The following VAX1 variants were observed in gnomAD, a reference collection of about 807,000 sequenced individuals.
VAX1 encodes ventral anterior homeobox 1.
Under a neutral mutation model 17.6 loss-of-function variants are expected in VAX1, and 6 were observed. The ratio of observed to expected loss-of-function variants is 0.34; its 90% confidence interval spans 0.19 to 0.67. The LOEUF is 0.67. Among genes scored for constraint, VAX1 ranks in the 30% least tolerant of loss-of-function variants. The pLI is 0.69. For synonymous variants in VAX1, 256 were observed against 227.4 expected (o/e 1.13, Z -1.13); for missense variants, 408 against 463.7 (o/e 0.88, Z 1.10).
chr10:117,132,249 C>T (rs775268762), downstream of VAX1: 1 of 1,614,038 alleles, frequency 6.2e-7, no homozygotes, highest in Middle Eastern at 1.7e-4. The surrounding 1 kb of genome is among the most constrained non-coding windows in gnomAD (Gnocchi z 4.9). Context: ...GTCCCCACGC[C>T]GAGACTCATC....
At chr10:117,130,798 T>G (rs1854074674), downstream of VAX1, 1 of 152,378 alleles carries the variant, frequency 6.6e-6, no homozygotes. Flanking sequence ...GGCAAAGAGC[T>G]CAGCAGCTCT....
chr10:117,132,131 G>T, downstream of VAX1: 1 of 1,441,354 alleles, frequency 6.9e-7, no homozygotes, highest in South Asian at 1.3e-5. The surrounding 1 kb of genome is among the most constrained non-coding windows in gnomAD (Gnocchi z 4.9). Context: ...GTAGCCAGGC[G>T]TCTCTGCCTC....
rs758113030 is a variant in VAX1, at chr10:117,136,454, G to T, written c.429+18C>A. The stretch of plus-strand genomic sequence containing the variant: ...GGAAGGCTGGTGCAGAACTGTGTGC[G>T]GCCTGGTCGCCGGGTACCTGGGTCT... On this transcript the variant is annotated intron_variant, in intron 2 of 2. Coordinates refer to ENST00000369206, the MANE Select transcript of VAX1 (RefSeq NM_001112704.2). This position sits in a 1 kb window ranked among gnomAD's most constrained non-coding sequence, Gnocchi z 5.0. The T allele has an allele frequency of 6.2e-7, 1 of 1,611,786 alleles. No individual in the cohort carries two copies. The highest frequency in any genetic ancestry group is 1.7e-5 in the Admixed American group (1 of 59,994).
Position 117,137,710 on chromosome 10 carries a change from G to C in VAX1, c.241+106C>G, listed in dbSNP as rs1402399430. On this transcript the variant is annotated intron_variant, in intron 1 of 2. Transcript: ENST00000369206. This position sits in a 1 kb window ranked among gnomAD's most constrained non-coding sequence, Gnocchi z 7.4. ...GGGAGGGCCAACAACTTTCTCCCAA[G>C]TCCCAGCCGGCACTCCTTCCCACCG... The C allele has an allele frequency of 1.2e-5, 19 of 1,589,480 alleles. No individual in the cohort carries two copies. Among genetic ancestry groups the C allele is most frequent in the Non-Finnish European group, 1.5e-5 (18 of 1,176,750 alleles).
Position 117,137,779 on chromosome 10 carries a change from C to A in VAX1, c.241+37G>T. The A allele has an allele frequency of 6.2e-7, 1 of 1,609,406 alleles. No homozygotes were observed. Among genetic ancestry groups the A allele is most frequent in the Non-Finnish European group, 8.5e-7 (1 of 1,179,740 alleles). On this transcript the variant is annotated intron_variant, in intron 1 of 2. Coordinates refer to ENST00000369206, the MANE Select transcript of VAX1 (RefSeq NM_001112704.2). The surrounding 1 kb of genome is among the most constrained non-coding windows in gnomAD (Gnocchi z 7.4). ...GCGCAGCTCCGGCCCCGGAGTCGAC[C>A]CCAAAGAACGCGCCTGGCAGCCCTG...
At position 117,138,257 on chromosome 10, in the gene VAX1, G is replaced by A; in HGVS notation, c.-201C>T. 1.5e-6 allele frequency: 1 copy of A among 667,238 alleles called. No individual in the cohort carries two copies. The highest frequency in any genetic ancestry group is 2.5e-6 in the Non-Finnish European group (1 of 403,500). The allele number at this position is 667,238 out of a possible 1,614,324, so 41.3% of individuals were successfully genotyped here. ...CTTCGGCGGCCGCGCGCGGGTCAGC[G>A]GCGACGGGAGAGTGGCGCGCTCGCC... On this transcript the variant is annotated 5_prime_UTR_variant, in exon 1 of 3. Coordinates refer to ENST00000369206, the MANE Select transcript of VAX1 (RefSeq NM_001112704.2).
Position 117,137,552 on chromosome 10 carries a change from C to G in VAX1, c.241+264G>C, listed in dbSNP as rs1854202673. On this transcript the variant is annotated intron_variant, in intron 1 of 2. Coordinates refer to ENST00000369206, the MANE Select transcript of VAX1 (RefSeq NM_001112704.2). The surrounding 1 kb of genome is among the most constrained non-coding windows in gnomAD (Gnocchi z 7.4). ...GGGTCGGAGGCCGCAGCCCGATGCC[C>G]GGCCGCACCCGCGCAGCCCCTCATC... 1.3e-5 allele frequency among the ~76,000 whole-genome samples: 2 copies of G among 152,214 alleles called. No individual in the cohort carries two copies. Among genetic ancestry groups the G allele is most frequent in the South Asian group, 4.1e-4 (2 of 4,838 alleles).
At position 117,133,976 on chromosome 10, in the gene VAX1, CTATAAA is replaced by C; in HGVS notation, c.*26_*31del. 8.0e-6 allele frequency: 12 copies of C among 1,491,854 alleles called. No homozygotes were observed. The highest frequency in any genetic ancestry group is 1.1e-5 in the Non-Finnish European group (12 of 1,124,676). 92.4% of individuals were successfully genotyped at this position (1,491,854 alleles called of 1,614,324 possible). A position where few individuals can be genotyped will look rare whatever the true frequency, so the allele number is the denominator to read the frequency against. ...TCCATAAATATCACCACAATAGATA[CTATAAA>C]TATAAATACAGGGAAACACTTAAAA... is the stretch of plus-strand genomic sequence containing the variant. On this transcript the variant is annotated 3_prime_UTR_variant, in exon 3 of 3. Transcript: ENST00000369206.
At position 117,136,016 on chromosome 10, in the gene VAX1, G is replaced by C. The variant is rs540016371; in HGVS notation, c.429+456C>G. Among the ~76,000 whole-genome samples the C allele has an allele frequency of 6.6e-6, 1 of 152,270 alleles. No individual in the cohort carries two copies. Among genetic ancestry groups the C allele is most frequent in the African/African-American group, 2.4e-5 (1 of 41,482 alleles). On this transcript the variant is annotated intron_variant, in intron 2 of 2. Coordinates refer to ENST00000369206, the MANE Select transcript of VAX1 (RefSeq NM_001112704.2). This position sits in a 1 kb window ranked among gnomAD's most constrained non-coding sequence, Gnocchi z 5.0. ...GAATCACCCATGGTGCTGGGGCAGG[G>C]GGTGTTAGATCTAGCCTCACTCCTG...
At chr10:117,133,194 T>G, downstream of VAX1, 1 of 821,560 alleles carries the variant, frequency 1.2e-6, no homozygotes, top group Non-Finnish European at 1.5e-6. Context: ...AGAACCTTAA[T>G]TTTGCATTGC....
In VAX1 at chr10:117,138,063, GAACAACAACAAA is replaced by G; in HGVS notation, c.-19_-8del. The G allele has an allele frequency of 8.4e-7, 1 of 1,197,272 alleles. No individual in the cohort carries two copies. The highest frequency in any genetic ancestry group is 1.1e-6 in the Non-Finnish European group (1 of 944,580). 74.2% of individuals were successfully genotyped at this position (1,197,272 alleles called of 1,614,324 possible). ...TGTCTGGTTTCCCGAACATAGGCAA[GAACAACAACAAA>G]AACAGAAAGGAAAAAAAAAGCAAAA... On this transcript the variant is annotated 5_prime_UTR_variant, in exon 1 of 3. Transcript: ENST00000369206.
chr10:117,130,302 A>G (rs1019782213), downstream of VAX1: 1 of 152,258 alleles, frequency 6.6e-6, no homozygotes, highest in South Asian at 2.1e-4. Flanking sequence ...TTATGAATAC[A>G]TTCTGGCTGA....
chr10:117,130,459 A>G (rs1353347157), downstream of VAX1: 2 of 152,166 alleles, frequency 1.3e-5, no homozygotes, highest in Non-Finnish European at 2.9e-5. Context: ...CTCTGAAACA[A>G]TTTGGCGGTT....
chr10:117,133,664 G>A lies in VAX1; in HGVS notation c.*344C>T, dbSNP rs1854121877. The A allele has an allele frequency of 2.9e-6, 3 of 1,024,116 alleles. No homozygotes were observed. The highest frequency in any genetic ancestry group is 4.3e-5 in the South Asian group (1 of 23,444). The allele number at this position is 1,024,116 out of a possible 1,614,324, so 63.4% of individuals were successfully genotyped here. On this transcript the variant is annotated 3_prime_UTR_variant, in exon 3 of 3. Coordinates refer to ENST00000369206, the MANE Select transcript of VAX1 (RefSeq NM_001112704.2). ...CAGCAGCCGCGGATCTAGAGCAAAC[G>A]TCCTGTGCTTTGGAGTTAGAACCAG...
chr10:117,133,024 A>G (rs1589945563), downstream of VAX1, among the ~76,000 whole-genome samples: 1 of 152,214 alleles, frequency 6.6e-6, no homozygotes, highest in South Asian at 2.1e-4. Flanking sequence ...TGCGCAGGCT[A>G]CCGCCGGCAG....
In VAX1 at chr10:117,138,152, G is replaced by C; in HGVS notation, c.-96C>G. 1 of 1,239,248 alleles carries C rather than the reference G, an allele frequency of 8.1e-7. No individual in the cohort carries two copies. The highest frequency in any genetic ancestry group is 1.1e-6 in the Non-Finnish European group (1 of 925,344). 76.8% of individuals were successfully genotyped at this position (1,239,248 alleles called of 1,614,324 possible). On this transcript the variant is annotated 5_prime_UTR_variant, in exon 1 of 3. Coordinates refer to ENST00000369206, the MANE Select transcript of VAX1 (RefSeq NM_001112704.2). The stretch of plus-strand genomic sequence containing the variant: ...AGGAAAAAAAAAAGAGGAAAAAGGG[G>C]ACAAAACCCCCGACAACGCGGCCCG...
chr10:117,136,397 G>T lies in VAX1; in HGVS notation c.429+75C>A. ...AGTTCTGTCCAGAGCAGGTTAGGAGGTGAAGAGCAGGCTAGGTAGGGGTGG... is the reference window on the plus strand; with the variant it reads ...AGTTCTGTCCAGAGCAGGTTAGGAGTTGAAGAGCAGGCTAGGTAGGGGTGG... On this transcript the variant is annotated intron_variant, in intron 2 of 2. Coordinates refer to ENST00000369206, the MANE Select transcript of VAX1 (RefSeq NM_001112704.2). This position sits in a 1 kb window ranked among gnomAD's most constrained non-coding sequence, Gnocchi z 5.0. The T allele has an allele frequency of 6.3e-7, 1 of 1,576,924 alleles. No homozygotes were observed. Among genetic ancestry groups the T allele is most frequent in the Non-Finnish European group, 8.6e-7 (1 of 1,158,078 alleles).
downstream of VAX1, chr10:117,132,036 A>G (rs1357530108): frequency 3.3e-6 from 2 of 606,148 alleles, no homozygotes; most frequent in Non-Finnish European, 5.7e-6. This position sits in a 1 kb window ranked among gnomAD's most constrained non-coding sequence, Gnocchi z 4.9. Context: ...GTGGGAAATT[A>G]AGGAGGAGGG....
In VAX1 at chr10:117,136,827, A is replaced by G. The variant is rs1413181050; in HGVS notation, c.242-168T>C. On this transcript the variant is annotated intron_variant, in intron 1 of 2. Coordinates refer to ENST00000369206, the MANE Select transcript of VAX1 (RefSeq NM_001112704.2). The surrounding 1 kb of genome is among the most constrained non-coding windows in gnomAD (Gnocchi z 5.0). Reference sequence around the variant, plus strand: ...TAGCAAAGACACTGTGTGGAGGGCAAGGGGCCTAACTCCATACCGCTGACC... The same window carrying G: ...TAGCAAAGACACTGTGTGGAGGGCAGGGGGCCTAACTCCATACCGCTGACC... Among the ~76,000 whole-genome samples, 1 of 152,186 alleles carries G rather than the reference A, an allele frequency of 6.6e-6. No individual in the cohort carries two copies. The highest frequency in any genetic ancestry group is 1.5e-5 in the Non-Finnish European group (1 of 68,020).
Sources: gnomAD v4.1 joint callset for allele counts (sites outside exome capture counted in the v4.1 genomes callset) on GRCh38, gnomAD v4.1.1 for gene constraint, Gnocchi (gnomAD v3.1) non-coding constraint, MANE v1.5 for transcripts, NCBI Gene and HGNC (gene_info 2026-07-23, HGNC 2026-07-21) for gene names.